Variants in MSH3 observed in about 807,000 individuals in gnomAD.
The protein encoded by MSH3 is mutS homolog 3, also known as DNA mismatch repair protein Msh3.
MSH3 carries 106 observed loss-of-function variants against 123.3 expected under a neutral mutation model. That is an observed-to-expected ratio of 0.86 (90% confidence interval 0.73 to 1.01). The LOEUF is 1.01. Among genes scored for constraint, MSH3 ranks in the 50% least tolerant of loss-of-function variants. The probability of loss-of-function intolerance (pLI) is 0.00; values close to 1 mark genes in which losing one functional copy is unlikely to be tolerated. For missense variants in MSH3, 1,459 were observed against 1,347.6 expected (o/e 1.08, Z -1.29); for synonymous variants, 515 against 481.4 (o/e 1.07, Z -0.91).
At chr5:80,739,706 A>C (rs561951124) in intron 10 of MSH3, among the ~76,000 whole-genome samples, 1 of 152,370 alleles carries the variant, frequency 6.6e-6, no homozygotes, top group African/African-American at 2.4e-5. Flanking sequence ...AAGCTAGATC[A>C]AACCTGTCAC....
At chr5:80,791,326 A>G (rs1744602833) in intron 18 of MSH3, among the ~76,000 whole-genome samples, 1 of 152,208 alleles carries the variant, frequency 6.6e-6, no homozygotes, top group South Asian at 2.1e-4. Context: ...GCTTTAAAAG[A>G]TTTCAAAAAC....
chr5:80,654,694 G>C lies in MSH3; in HGVS notation c.-34G>C. 1 of 1,569,502 alleles carries C rather than the reference G, an allele frequency of 6.4e-7. No individual in the cohort carries two copies. The highest frequency in any genetic ancestry group is 8.6e-7 in the Non-Finnish European group (1 of 1,158,970). ...GGCCGCGGGCTCGCGCTCCTCGCCA[G>C]GCCCTGCCGCCGGGCTGCCATCCTT... On this transcript the variant is annotated 5_prime_UTR_variant, in exon 1 of 24. Transcript: ENST00000265081.
intron 20 of MSH3, among the ~76,000 whole-genome samples, chr5:80,841,251 T>C (rs1745618434): frequency 6.6e-6 from 1 of 152,238 alleles, no homozygotes. Context: ...TTTTTATGGC[T>C]GCATAGTATT....
At chr5:80,697,330 T>G (rs1750505816) in intron 8 of MSH3, among the ~76,000 whole-genome samples, 1 of 152,224 alleles carries the variant, frequency 6.6e-6, no homozygotes, top group Non-Finnish European at 1.5e-5. Flanking sequence ...GGAGCCAAGT[T>G]ACACCTGGTT....
chr5:80,697,468 C>A (rs1750508481), intron 8 of MSH3, among the ~76,000 whole-genome samples: 1 of 152,082 alleles, frequency 6.6e-6, no homozygotes, highest in African/African-American at 2.4e-5. Context: ...AAATGTGTTG[C>A]AAAGAAAGAT....
intron 8 of MSH3, among the ~76,000 whole-genome samples, chr5:80,697,233 G>A (rs1249314637): frequency 6.6e-6 from 1 of 152,126 alleles, no homozygotes; most frequent in African/African-American, 2.4e-5. Context: ...AGAGCCCAGA[G>A]GTCAGAAATC....
chr5:80,670,843 G>C (rs1749708648), intron 4 of MSH3, among the ~76,000 whole-genome samples: 1 of 152,134 alleles, frequency 6.6e-6, no homozygotes, highest in African/African-American at 2.4e-5. Context: ...GATTGTGCCA[G>C]GTGTGGTGGC....
chr5:80,839,572 G>A (rs1188700042), intron 20 of MSH3, among the ~76,000 whole-genome samples: 6 of 152,100 alleles, frequency 3.9e-5, no homozygotes, highest in African/African-American at 1.4e-4. Flanking sequence ...GATTGATTAT[G>A]TTGTTTTCAT....
At chr5:80,687,131 A>G (rs1441125063) in intron 8 of MSH3, among the ~76,000 whole-genome samples, 1 of 152,230 alleles carries the variant, frequency 6.6e-6, no homozygotes, top group South Asian at 2.1e-4. Context: ...CTAAATAATG[A>G]TACACTATCA....
In MSH3 at chr5:80,787,692, C is replaced by G; in HGVS notation, c.2543+20C>G. 1 of 1,506,236 alleles carries G rather than the reference C, an allele frequency of 6.6e-7. No individual in the cohort carries two copies. The allele number at this position is 1,506,236 out of a possible 1,614,324, so 93.3% of individuals were successfully genotyped here. A position where few individuals can be genotyped will look rare whatever the true frequency, so the allele number is the denominator to read the frequency against. On this transcript the variant is annotated intron_variant, in intron 18 of 23. Transcript: ENST00000265081. Reference sequence around the variant, plus strand: ...CTGCAGGTAAGATATTTTTCATTTTCCTCTTTATCAGTGCTTTAGATAAGA... The same window carrying G: ...CTGCAGGTAAGATATTTTTCATTTTGCTCTTTATCAGTGCTTTAGATAAGA...
intron 8 of MSH3, among the ~76,000 whole-genome samples, chr5:80,698,057 T>A (rs6151687): frequency 6.6e-6 from 1 of 151,910 alleles, no homozygotes; most frequent in Non-Finnish European, 1.5e-5. Flanking sequence ...GCAGGTGTGC[T>A]CAACCACACC....
At chr5:80,656,295 T>C in intron 1 of MSH3, 116 bp from the exon 2 acceptor site, 1 of 1,366,516 alleles carries the variant, frequency 7.3e-7, no homozygotes, top group South Asian at 1.2e-5. Flanking sequence ...GAGGATTCTT[T>C]GAAGAGTGGA....
chr5:80,807,825 G>A (rs781680124), intron 19 of MSH3, among the ~76,000 whole-genome samples: 2 of 152,190 alleles, frequency 1.3e-5, no homozygotes, highest in East Asian at 3.9e-4. Context: ...TCAGACCGGG[G>A]CTATTACACC....
intron 12 of MSH3, among the ~76,000 whole-genome samples, chr5:80,754,678 A>C (rs1743892960): frequency 6.6e-6 from 1 of 152,188 alleles, no homozygotes. Flanking sequence ...TCACATAATT[A>C]AGGGAATAGA....
intron 19 of MSH3, among the ~76,000 whole-genome samples, chr5:80,802,099 G>A (rs1053579114): frequency 6.6e-6 from 1 of 152,138 alleles, no homozygotes; most frequent in Non-Finnish European, 1.5e-5. Context: ...GAAATATAAA[G>A]AAAGGGAGGA....
Position 80,654,759 on chromosome 5 carries a change from T to G in MSH3, c.32T>G (p.Leu11Arg), listed in dbSNP as rs777602777. MSRRKPASGG[L>R]AASSSAPARQ... Reference sequence around the variant, plus strand: ...CGCCGGAAGCCTGCGTCGGGCGGCCTCGCTGCCTCCAGCTCAGCCCCTGCG... The same window carrying G: ...CGCCGGAAGCCTGCGTCGGGCGGCCGCGCTGCCTCCAGCTCAGCCCCTGCG... The change falls in exon 1 of 24, where the codon CTC becomes CGC. Residue 11 changes from leucine to arginine, a missense_variant. Transcript: ENST00000265081. The G allele has an allele frequency of 6.2e-7, 1 of 1,603,524 alleles. No homozygotes were observed. The highest frequency in any genetic ancestry group is 1.1e-5 in the South Asian group (1 of 90,386).
At chr5:80,718,711 A>G (rs1751014372) in intron 8 of MSH3, among the ~76,000 whole-genome samples, 2 of 151,796 alleles carry the variant, frequency 1.3e-5, no homozygotes, top group South Asian at 4.1e-4. Context: ...ATTGGGAGGC[A>G]TATAATTATC....
intron 8 of MSH3, among the ~76,000 whole-genome samples, chr5:80,682,033 C>CT (rs961596370): frequency 1.3e-5 from 2 of 152,028 alleles, no homozygotes; most frequent in African/African-American, 2.4e-5. Context: ...AATCTTTGCA[C>CT]TTTTTTTTGT....
At chr5:80,813,244 T>C (rs1476400145) in intron 19 of MSH3, among the ~76,000 whole-genome samples, 2 of 152,182 alleles carry the variant, frequency 1.3e-5, no homozygotes, top group Non-Finnish European at 2.9e-5. Flanking sequence ...ACCTGTTGTT[T>C]TAAGATGGAC....
Sources: allele counts gnomAD v4.1 joint callset (sites outside exome capture counted in the v4.1 genomes callset), GRCh38; gene constraint gnomAD v4.1.1; transcripts MANE v1.5; gene names NCBI Gene and HGNC (gene_info 2026-07-23, HGNC 2026-07-21).